DEFB104A: variants seen among roughly 807,000 people sequenced by gnomAD.
DEFB104A encodes the protein beta-defensin 104.
At position 7,839,216 on chromosome 8, in the gene DEFB104A, G is replaced by C. The variant is rs1380105970; in HGVS notation, c.59-1818G>C. Among the ~76,000 whole-genome samples, 82 of 146,100 alleles carry C rather than the reference G, an allele frequency of 5.6e-4. 1 individual carries two copies. The highest frequency in any genetic ancestry group is 3.6e-3 in the Middle Eastern group (1 of 276). ...AAACTGACAGTCTAACATTTTAAAGGTTGTGTTCTCTTCCTAGTCTATTCT... is the reference window on the plus strand; with the variant it reads ...AAACTGACAGTCTAACATTTTAAAGCTTGTGTTCTCTTCCTAGTCTATTCT... On this transcript the variant is annotated intron_variant, in intron 1 of 1. Transcript: ENST00000314265.
Position 7,841,231 on chromosome 8 carries a change from AG to A in DEFB104A, c.*39del. 1 of 964,692 alleles carries A rather than the reference AG, an allele frequency of 1.0e-6. No homozygotes were observed. The highest frequency in any genetic ancestry group is 1.5e-6 in the Non-Finnish European group (1 of 658,682). 59.8% of individuals were successfully genotyped at this position (964,692 alleles called of 1,614,324 possible). A position where few individuals can be genotyped will look rare whatever the true frequency, so the allele number is the denominator to read the frequency against. On this transcript the variant is annotated 3_prime_UTR_variant, in exon 2 of 2. Transcript: ENST00000314265. ...GCTGGTCCCTAGAGTCGCTGGAAGT[AG>A]GACCTCAGTAGCTTTCCTTCCTGCG...
intron 1 of DEFB104A, among the ~76,000 whole-genome samples, chr8:7,838,803 A>G (rs2128924771): frequency 7.1e-6 from 1 of 141,612 alleles, no homozygotes; most frequent in African/African-American, 2.5e-5. Context: ...CCTTGGGCAC[A>G]TGTCCTCAGG....
Position 7,837,377 on chromosome 8 carries a change from A to C in DEFB104A, c.58+835A>C, listed in dbSNP as rs1227033580. Among the ~76,000 whole-genome samples, 9 of 141,388 alleles carry C rather than the reference A, an allele frequency of 6.4e-5. 1 individual carries two copies. Among genetic ancestry groups the C allele is most frequent in the Non-Finnish European group, 1.4e-4 (9 of 65,322 alleles). 92.8% of individuals were successfully genotyped at this position (141,388 alleles called of 152,430 possible). Reference sequence around the variant, plus strand: ...TCGGATCTTCTCTTCCAAGCTGCTCAGTCAATTTTATGGGGCTTTGACAGA... The same window carrying C: ...TCGGATCTTCTCTTCCAAGCTGCTCCGTCAATTTTATGGGGCTTTGACAGA... On this transcript the variant is annotated intron_variant, in intron 1 of 1. Transcript: ENST00000314265.
chr8:7,839,283 A>G (rs1232731975), intron 1 of DEFB104A, among the ~76,000 whole-genome samples: 2 of 144,724 alleles, frequency 1.4e-5, no homozygotes, highest in Non-Finnish European at 3.1e-5. Flanking sequence ...CTGAGCAAGC[A>G]TGCTGTCCTC....
intron 1 of DEFB104A, among the ~76,000 whole-genome samples, chr8:7,839,011 C>T (rs1174239174): frequency 7.0e-6 from 1 of 142,784 alleles, no homozygotes; most frequent in Non-Finnish European, 1.6e-5. Flanking sequence ...TATTACTCAG[C>T]CTTAGTGTAT....
chr8:7,837,241 A>C (rs1489266472), intron 1 of DEFB104A, among the ~76,000 whole-genome samples: 8 of 137,230 alleles, frequency 5.8e-5, no homozygotes, highest in African/African-American at 2.2e-4. Flanking sequence ...CTTCTTTTAC[A>C]AGCTGAGCAG....
At chr8:7,839,159 C>T (rs1348685389) in intron 1 of DEFB104A, among the ~76,000 whole-genome samples, 1 of 145,586 alleles carries the variant, frequency 6.9e-6, no homozygotes, top group Non-Finnish European at 1.6e-5. Context: ...TCATTCCCAT[C>T]TCTAAATAGA....
chr8:7,837,354 G>A (rs1282442183), intron 1 of DEFB104A, among the ~76,000 whole-genome samples: 3 of 139,918 alleles, frequency 2.1e-5, no homozygotes, highest in Admixed American at 7.5e-5. Flanking sequence ...AGAAGCCATC[G>A]GATCTTCTCT....
chr8:7,839,365 C>T (rs1222753416), intron 1 of DEFB104A, among the ~76,000 whole-genome samples: 1 of 145,276 alleles, frequency 6.9e-6, no homozygotes, highest in African/African-American at 2.5e-5. Context: ...ATCTGCTACT[C>T]AACCTCCACA....
intron 1 of DEFB104A, among the ~76,000 whole-genome samples, chr8:7,839,407 A>ACCTCACT (rs2128924856): frequency 6.9e-6 from 1 of 143,916 alleles, no homozygotes; most frequent in African/African-American, 2.5e-5. Context: ...ACTGCAGCCC[A>ACCTCACT]CCTCACTCCT....
At chr8:7,837,176 C>G (rs1329674689) in intron 1 of DEFB104A, among the ~76,000 whole-genome samples, 3 of 140,116 alleles carry the variant, frequency 2.1e-5, no homozygotes, top group Non-Finnish European at 4.6e-5. Context: ...TCCCCAGAAG[C>G]ATGTATTTCT....
chr8:7,838,269 C>T (rs1223716073), intron 1 of DEFB104A, among the ~76,000 whole-genome samples: 6 of 136,586 alleles, frequency 4.4e-5, no homozygotes, highest in Non-Finnish European at 7.8e-5. Context: ...CAATTGTCAA[C>T]CAGAAAATGT....
At chr8:7,839,229 CCTAGT>C (rs1817709605) in intron 1 of DEFB104A, among the ~76,000 whole-genome samples, 1 of 145,742 alleles carries the variant, frequency 6.9e-6, no homozygotes, top group Admixed American at 6.9e-5. Flanking sequence ...GTGTTCTCTT[CCTAGT>C]CTATTCTTCT....
At chr8:7,837,493 G>A (rs1817672824) in intron 1 of DEFB104A, among the ~76,000 whole-genome samples, 1 of 141,738 alleles carries the variant, frequency 7.1e-6, no homozygotes, top group Non-Finnish European at 1.5e-5. Context: ...TACCTGTTTA[G>A]GTTAACTCTT....
chr8:7,839,993 AAT>A (rs1371254714), intron 1 of DEFB104A, among the ~76,000 whole-genome samples: 3 of 152,142 alleles, frequency 2.0e-5, no homozygotes, highest in African/African-American at 7.2e-5. Flanking sequence ...CATGTGAGAT[AAT>A]GAGTTTTACA....
In DEFB104A at chr8:7,837,430, C is replaced by T. The variant is rs771955214; in HGVS notation, c.58+888C>T. ...CCCAGCACCCATCTTTTTGCCCTTC[C>T]GGGCTGTGCCTCCACTGTGATTCAG... is the stretch of plus-strand genomic sequence containing the variant. On this transcript the variant is annotated intron_variant, in intron 1 of 1. Coordinates refer to ENST00000314265, the MANE Select transcript of DEFB104A (RefSeq NM_080389.3). Among the ~76,000 whole-genome samples the T allele has an allele frequency of 8.7e-4, 125 of 142,966 alleles. 14 individuals are homozygous for T. Among genetic ancestry groups the T allele is most frequent in the African/African-American group, 2.1e-3 (79 of 38,346 alleles). 93.8% of individuals were successfully genotyped at this position (142,966 alleles called of 152,430 possible).
In DEFB104A at chr8:7,837,114, GAA is replaced by G. The variant is rs1389496401; in HGVS notation, c.58+574_58+575del. 2.0e-4 allele frequency among the ~76,000 whole-genome samples: 28 copies of G among 140,852 alleles called. 1 individual carries two copies. Among genetic ancestry groups the G allele is most frequent in the African/African-American group, 7.5e-4 (28 of 37,542 alleles). The allele number at this position is 140,852 out of a possible 152,430, so 92.4% of individuals were successfully genotyped here. A position where few individuals can be genotyped will look rare whatever the true frequency, so the allele number is the denominator to read the frequency against. On this transcript the variant is annotated intron_variant, in intron 1 of 1. Transcript: ENST00000314265. Reference sequence around the variant, plus strand: ...GCAGGTGCCTTTGAACTCTGCTCAGGAAATTTTAGACTGAGATGTCAGCAATC... The same window carrying G: ...GCAGGTGCCTTTGAACTCTGCTCAGGATTTTAGACTGAGATGTCAGCAATC...
At chr8:7,839,069 T>C (rs1378534925) in intron 1 of DEFB104A, among the ~76,000 whole-genome samples, 2 of 143,620 alleles carry the variant, frequency 1.4e-5, no homozygotes, top group Middle Eastern at 3.6e-3. Flanking sequence ...CTGTAAGACA[T>C]ACCAACTAGG....
At chr8:7,840,362 A>ATAGG (rs1461044328) in intron 1 of DEFB104A, among the ~76,000 whole-genome samples, 19 of 68,684 alleles carry the variant, frequency 2.8e-4, no homozygotes, top group African/African-American at 4.5e-4. Flanking sequence ...CTCTCTCTAT[A>ATAGG]TATGTGTATA....
Sources: gnomAD v4.1 joint callset for allele counts (sites outside exome capture counted in the v4.1 genomes callset) on GRCh38, gnomAD v4.1.1 for gene constraint, MANE v1.5 for transcripts, NCBI Gene and HGNC (gene_info 2026-07-23, HGNC 2026-07-21) for gene names.